Variants in NALF1 observed in about 807,000 individuals in gnomAD.
NALF1 encodes family with sequence similarity 155 member A.
In NALF1, 3 loss-of-function variants were observed where a neutral mutation model predicts 48.4. The observed-to-expected ratio is 0.06, with a 90% confidence interval of 0.03 to 0.16. The LOEUF (loss-of-function observed/expected upper bound fraction) is 0.16, where lower values mean the gene tolerates loss of function less well. NALF1 is among the 10% of genes least tolerant of loss of function. The pLI, the probability that NALF1 is intolerant of heterozygous loss-of-function variation, is 1.00. For synonymous variants in NALF1, 262 were observed against 245.7 expected (o/e 1.07, Z -0.62); for missense variants, 526 against 571.5 (o/e 0.92, Z 0.81).
At chr13:107,771,520 T>C (rs930903815) in intron 1 of NALF1, among the ~76,000 whole-genome samples, 12 of 149,324 alleles carry the variant, frequency 8.0e-5, no homozygotes, top group African/African-American at 2.7e-4. Flanking sequence ...TGTAATATAG[T>C]ATAATATATA....
intron 1 of NALF1, among the ~76,000 whole-genome samples, chr13:107,712,631 C>T (rs1368576045): frequency 3.3e-5 from 5 of 152,174 alleles, no homozygotes; most frequent in Admixed American, 6.5e-5. Flanking sequence ...AGCTTCGTTT[C>T]GGGGAGAATG....
At chr13:107,624,372 A>C (rs1594167492) in intron 1 of NALF1, among the ~76,000 whole-genome samples, 1 of 152,286 alleles carries the variant, frequency 6.6e-6, no homozygotes, top group East Asian at 1.9e-4. Context: ...ATTTATTTTT[A>C]ATAATGCTTC....
At position 107,458,721 on chromosome 13, in the gene NALF1, C is replaced by T. The variant is rs939017788; in HGVS notation, c.916-247966G>A. ...TGTTAAACATTTCTAAAGAGTAGAC[C>T]AACAACGCAGAAACATGTATATGGA... On this transcript the variant is annotated intron_variant, in intron 1 of 2. Transcript: ENST00000375915. Among the ~76,000 whole-genome samples the T allele has an allele frequency of 2.6e-5, 4 of 152,122 alleles. No individual in the cohort carries two copies. In the South Asian group the frequency reaches 8.3e-4, roughly 32 times the overall value.
At chr13:107,510,009 A>G (rs965049499) in intron 1 of NALF1, among the ~76,000 whole-genome samples, 4 of 151,948 alleles carry the variant, frequency 2.6e-5, no homozygotes, top group Admixed American at 2.6e-4. Flanking sequence ...AGAGGTTGCT[A>G]TGTTGCCCAG....
chr13:107,493,182 T>G (rs1469710543), intron 1 of NALF1, among the ~76,000 whole-genome samples: 1 of 152,194 alleles, frequency 6.6e-6, no homozygotes, highest in Non-Finnish European at 1.5e-5. Flanking sequence ...GGTCAAGAGA[T>G]TTCTCAAAGC....
At chr13:107,253,320 A>T (rs1349132549) in intron 1 of NALF1, among the ~76,000 whole-genome samples, 4 of 152,120 alleles carry the variant, frequency 2.6e-5, no homozygotes, top group Non-Finnish European at 5.9e-5. Context: ...GATGGCCAGG[A>T]GGTCTTTCCT....
chr13:107,807,235 A>G (rs1878822289), intron 1 of NALF1, among the ~76,000 whole-genome samples: 1 of 152,180 alleles, frequency 6.6e-6, no homozygotes, highest in African/African-American at 2.4e-5. Context: ...TATTATTTTC[A>G]ATATCTAAGA....
chr13:107,200,863 C>T (rs138958154), intron 2 of NALF1, among the ~76,000 whole-genome samples: 1 of 152,262 alleles, frequency 6.6e-6, no homozygotes, highest in East Asian at 1.9e-4. Flanking sequence ...CTGCTGTAGT[C>T]CCGGTGACTT....
At chr13:107,634,793 G>A (rs1410590723) in intron 1 of NALF1, among the ~76,000 whole-genome samples, 1 of 152,048 alleles carries the variant, frequency 6.6e-6, no homozygotes, top group Admixed American at 6.6e-5. Flanking sequence ...CAGACCTAAA[G>A]GGAAAAATGC....
At chr13:107,754,391 ACACAC>A (rs1465440999) in intron 1 of NALF1, among the ~76,000 whole-genome samples, 2 of 135,836 alleles carry the variant, frequency 1.5e-5, no homozygotes, top group Non-Finnish European at 3.1e-5. Flanking sequence ...ACACACACAC[ACACAC>A]ACCATATATG....
chr13:107,722,459 C>G (rs1876014737), intron 1 of NALF1, among the ~76,000 whole-genome samples: 1 of 152,102 alleles, frequency 6.6e-6, no homozygotes, highest in Admixed American at 6.5e-5. Context: ...TCAGGTACTT[C>G]CTGCACTGCT....
chr13:107,308,481 C>T (rs1281035935), intron 1 of NALF1, among the ~76,000 whole-genome samples: 3 of 152,106 alleles, frequency 2.0e-5, no homozygotes, highest in Non-Finnish European at 4.4e-5. Flanking sequence ...GGATTACAGG[C>T]GTGAGTATCT....
chr13:107,331,478 G>A (rs549559377), intron 1 of NALF1, among the ~76,000 whole-genome samples: 33 of 152,220 alleles, frequency 2.2e-4, no homozygotes, highest in African/African-American at 7.0e-4. Context: ...GAGAAACAGA[G>A]GTCCACAAAA....
At chr13:107,333,353 G>T (rs1191032823) in intron 1 of NALF1, among the ~76,000 whole-genome samples, 1 of 152,148 alleles carries the variant, frequency 6.6e-6, no homozygotes, top group Non-Finnish European at 1.5e-5. Context: ...AGTCATTTAG[G>T]CTGTAAAATC....
intron 1 of NALF1, among the ~76,000 whole-genome samples, chr13:107,281,778 G>C (rs959618778): frequency 3.9e-5 from 6 of 152,186 alleles, no homozygotes; most frequent in Non-Finnish European, 5.9e-5. Flanking sequence ...CATGGTGGAA[G>C]GGGAAGGGGA....
chr13:107,222,728 A>T (rs1880019737), intron 1 of NALF1, among the ~76,000 whole-genome samples: 1 of 152,208 alleles, frequency 6.6e-6, no homozygotes, highest in African/African-American at 2.4e-5. Context: ...ATAACTGACT[A>T]GGCAAGACCC....
In NALF1 at chr13:107,672,264, T is replaced by C. The variant is rs56342338; in HGVS notation, c.915+193418A>G. Reference sequence around the variant, plus strand: ...AATAGCTTGCCATAATAGAGGAAGATTGACTATTATAGCTATTACACTTTC... The same window carrying C: ...AATAGCTTGCCATAATAGAGGAAGACTGACTATTATAGCTATTACACTTTC... On this transcript the variant is annotated intron_variant, in intron 1 of 2. Transcript: ENST00000375915. 9.3e-3 allele frequency among the ~76,000 whole-genome samples: 1,413 copies of C among 152,340 alleles called. 9 individuals carry two copies. The highest frequency in any genetic ancestry group is 0.016 in the Non-Finnish European group (1,102 of 68,032).
At chr13:107,568,049 C>A (rs1181683180) in intron 1 of NALF1, among the ~76,000 whole-genome samples, 2 of 152,280 alleles carry the variant, frequency 1.3e-5, no homozygotes, top group African/African-American at 4.8e-5. Context: ...GTGAACAGGG[C>A]TCACTGCAGC....
intron 1 of NALF1, among the ~76,000 whole-genome samples, chr13:107,217,183 T>G (rs75466087): frequency 0.024 from 3,607 of 152,302 alleles, 69 homozygotes; most frequent in Non-Finnish European, 0.034. Context: ...AGATTGTTCT[T>G]TCCAAGCTCC....
Sources: gnomAD v4.1 joint callset for allele counts (sites outside exome capture counted in the v4.1 genomes callset) on GRCh38, gnomAD v4.1.1 for gene constraint, MANE v1.5 for transcripts, NCBI Gene and HGNC (gene_info 2026-07-23, HGNC 2026-07-21) for gene names.